HIC1: variants seen among roughly 807,000 people sequenced by gnomAD.
The protein encoded by HIC1 is hypermethylated in cancer 1 protein.
A neutral mutation model predicts 26.4 loss-of-function variants in HIC1; 9 were observed. The ratio of observed to expected loss-of-function variants is 0.34; its 90% confidence interval spans 0.21 to 0.59. HIC1 has a LOEUF of 0.59. HIC1 is among the 20% of genes least tolerant of loss of function. The pLI, the probability that HIC1 is intolerant of heterozygous loss-of-function variation, is 0.82. For missense variants in HIC1, 965 were observed against 1,075.7 expected, an observed-to-expected ratio of 0.90 and a Z score of 1.44; for synonymous variants, 631 against 523.1, an observed-to-expected ratio of 1.21 and a Z score of -2.81.
In HIC1 at chr17:2,062,402, T is replaced by C. The variant is rs560951297; in HGVS notation, c.*3567T>C. 2.6e-5 allele frequency: 4 copies of C among 152,352 alleles called. No homozygotes were observed. The East Asian group carries it at 7.7e-4, about 29-fold the overall frequency. 9.4% of individuals were successfully genotyped at this position (152,352 alleles called of 1,614,324 possible). A position where few individuals can be genotyped will look rare whatever the true frequency, so the allele number is the denominator to read the frequency against. ...CATACACTTGGACATATAACCTTTT[T>C]TTCCTACAGCATCATGATCATATTA... is the stretch of plus-strand genomic sequence containing the variant. On this transcript the variant is annotated 3_prime_UTR_variant, in exon 2 of 2. Transcript: ENST00000619757.
chr17:2,059,086 A>C lies in HIC1; in HGVS notation c.*251A>C. Reference sequence around the variant, plus strand: ...ATATTTTTGATATCAGCTTTGACCAAAGGAGACCCCAGGCCCCTCCCGCCT... The same window carrying C: ...ATATTTTTGATATCAGCTTTGACCACAGGAGACCCCAGGCCCCTCCCGCCT... On this transcript the variant is annotated 3_prime_UTR_variant, in exon 2 of 2. Coordinates refer to ENST00000619757, the MANE Select transcript of HIC1 (RefSeq NM_006497.4). 3 of 430,164 alleles carry C rather than the reference A, an allele frequency of 7.0e-6. No homozygotes were observed. The highest frequency in any genetic ancestry group is 7.9e-5 in the East Asian group (2 of 25,406). 26.6% of individuals were successfully genotyped at this position (430,164 alleles called of 1,614,324 possible). A position where few individuals can be genotyped will look rare whatever the true frequency, so the allele number is the denominator to read the frequency against.
At position 2,056,771 on chromosome 17, in the gene HIC1, G is replaced by A. The variant is rs1172580469; in HGVS notation, c.81G>A (p.Leu27=). Residue 27 remains leucine, a synonymous_variant, in exon 2 of 2, where the codon TTG becomes TTA. Coordinates refer to ENST00000619757, the MANE Select transcript of HIC1 (RefSeq NM_006497.4). ...ACAACCAGCGCACCAAGGGCTTCTTGTGCGACGTGATCATCGTGGTGCAGA... is the reference window on the plus strand; with the variant it reads ...ACAACCAGCGCACCAAGGGCTTCTTATGCGACGTGATCATCGTGGTGCAGA... The part of the protein sequence containing the change: ...QLNNQRTKGF[L]CDVIIVVQNA... The A allele has an allele frequency of 6.2e-7, 1 of 1,612,496 alleles. No individual in the cohort carries two copies. Among genetic ancestry groups the A allele is most frequent in the Admixed American group, 1.7e-5 (1 of 60,012 alleles).
rs763409414 is a variant in HIC1 at position 2,058,751 on chromosome 17, C to G, written c.2061C>G (p.Asp687Glu). Reference protein sequence around the residue: ...KFTAELGLSPDKAAEVLSQGA... With the variant: ...KFTAELGLSPEKAAEVLSQGA... ...CGGCCGAGCTGGGCCTCAGCCCCGACAAGGCGGCCGAGGTGCTGAGCCAGG... is the reference window on the plus strand; with the variant it reads ...CGGCCGAGCTGGGCCTCAGCCCCGAGAAGGCGGCCGAGGTGCTGAGCCAGG... The change falls in exon 2 of 2, where the codon GAC becomes GAG. Residue 687 changes from aspartate to glutamate, a missense_variant. Asp to Glu is a conservative substitution (Grantham distance 45, BLOSUM62 2). Transcript: ENST00000619757. The G allele has an allele frequency of 1.3e-6, 2 of 1,526,394 alleles. No individual in the cohort carries two copies. The highest frequency in any genetic ancestry group is 2.8e-5 in the African/African-American group (2 of 70,392). 94.6% of individuals were successfully genotyped at this position (1,526,394 alleles called of 1,614,324 possible). A position where few individuals can be genotyped will look rare whatever the true frequency, so the allele number is the denominator to read the frequency against.
Position 2,058,749 on chromosome 17 carries a change from G to C in HIC1, c.2059G>C (p.Asp687His). The C allele has an allele frequency of 6.5e-7, 1 of 1,527,102 alleles. No homozygotes were observed. Among genetic ancestry groups the C allele is most frequent in the East Asian group, 2.6e-5 (1 of 38,742 alleles). 94.6% of individuals were successfully genotyped at this position (1,527,102 alleles called of 1,614,324 possible). Residue 687 changes from aspartate to histidine, a missense_variant, in exon 2 of 2, where the codon GAC becomes CAC. Asp to His is a moderately conservative substitution (Grantham distance 81, BLOSUM62 -1). This residue lies in a region of HIC1 where 210 missense variants were observed against 179.2 expected (regional missense o/e 1.17). Coordinates refer to ENST00000619757, the MANE Select transcript of HIC1 (RefSeq NM_006497.4). ...KFTAELGLSP[D>H]KAAEVLSQGA... ...CACGGCCGAGCTGGGCCTCAGCCCC[G>C]ACAAGGCGGCCGAGGTGCTGAGCCA...
At position 2,057,822 on chromosome 17, in the gene HIC1, A is replaced by G; in HGVS notation, c.1132A>G (p.Lys378Glu). Reference sequence around the variant, plus strand: ...CGCGGGCGGCGACGGCGACGACTACAAGAGCAGCAGCGAGGAGACCGGTAG... The same window carrying G: ...CGCGGGCGGCGACGGCGACGACTACGAGAGCAGCAGCGAGGAGACCGGTAG... ...PGAGGDGDDY[K>E]SSSEETGSSE... The change falls in exon 2 of 2, where the codon AAG (lysine) becomes GAG (glutamate). Residue 378 changes from lysine (K) to glutamate (E), a missense_variant. Coordinates refer to ENST00000619757, the MANE Select transcript of HIC1 (RefSeq NM_006497.4). The G allele has an allele frequency of 2.5e-6, 4 of 1,570,104 alleles. No homozygotes were observed. The highest frequency in any genetic ancestry group is 3.4e-6 in the Non-Finnish European group (4 of 1,160,864).
rs976326417 is a variant in HIC1 at position 2,061,683 on chromosome 17, C to T, written c.*2848C>T. ...GACAGGAGGCAGAGGGCTGGCTGCT[C>T]TTCTCACCCTGGAGAATGTGGTCCT... On this transcript the variant is annotated 3_prime_UTR_variant, in exon 2 of 2. Coordinates refer to ENST00000619757, the MANE Select transcript of HIC1 (RefSeq NM_006497.4). 6.6e-7 allele frequency: 1 copy of T among 1,525,810 alleles called. No homozygotes were observed. The highest frequency in any genetic ancestry group is 8.8e-7 in the Non-Finnish European group (1 of 1,129,994). 94.5% of individuals were successfully genotyped at this position (1,525,810 alleles called of 1,614,324 possible).
In HIC1 at chr17:2,057,476, G is replaced by A; in HGVS notation, c.786G>A (p.Glu262=). The A allele has an allele frequency of 1.4e-5, 20 of 1,478,800 alleles. No homozygotes were observed. Among genetic ancestry groups the A allele is most frequent in the Non-Finnish European group, 1.6e-5 (18 of 1,121,620 alleles). 91.6% of individuals were successfully genotyped at this position (1,478,800 alleles called of 1,614,324 possible). The change falls in exon 2 of 2, where the codon GAG becomes GAA. Residue 262 remains glutamate (E), a synonymous_variant. Coordinates refer to ENST00000619757, the MANE Select transcript of HIC1 (RefSeq NM_006497.4). ...GCGCCGGCCCCGCCGCCTACAAGGAGCCGCCTCTCGCCCTGCCGTCGCTGC... is the reference window on the plus strand; with the variant it reads ...GCGCCGGCCCCGCCGCCTACAAGGAACCGCCTCTCGCCCTGCCGTCGCTGC... ...PPSAGPAAYK[E]PPLALPSLPP...
Position 2,061,392 on chromosome 17 carries a change from G to T in HIC1, c.*2557G>T. ...AAGAGGATGGTTTATTGTCTGGGTGGATTGGTGGCTCAGGCACGTGGGCAT... is the reference window on the plus strand; with the variant it reads ...AAGAGGATGGTTTATTGTCTGGGTGTATTGGTGGCTCAGGCACGTGGGCAT... On this transcript the variant is annotated 3_prime_UTR_variant, in exon 2 of 2. Transcript: ENST00000619757. 8.4e-7 allele frequency: 1 copy of T among 1,193,532 alleles called. No individual in the cohort carries two copies. Among genetic ancestry groups the T allele is most frequent in the Non-Finnish European group, 1.2e-6 (1 of 855,140 alleles). The allele number at this position is 1,193,532 out of a possible 1,614,324, so 73.9% of individuals were successfully genotyped here.
intron 1 of HIC1, chr17:2,056,244 C>T (rs1487953450): frequency 4.2e-6 from 6 of 1,415,284 alleles, no homozygotes; most frequent in Middle Eastern, 1.8e-4. Context: ...GCAACTTCTC[C>T]CGAGGCGGGA....
rs1597302417 is a variant in HIC1, at chr17:2,057,506, G to A, written c.816G>A (p.Pro272=). Residue 272 remains proline (P), a synonymous_variant, in exon 2 of 2, where the codon CCG becomes CCA. Coordinates refer to ENST00000619757, the MANE Select transcript of HIC1 (RefSeq NM_006497.4). The stretch of plus-strand genomic sequence containing the variant: ...CTCTCGCCCTGCCGTCGCTGCCGCC[G>A]CTGCCCTTCCAGAAGCTGGAGGAGG... The part of the protein sequence containing the change: ...EPPLALPSLP[P]LPFQKLEEAA... The A allele has an allele frequency of 2.7e-6, 4 of 1,489,434 alleles. No homozygotes were observed. The highest frequency in any genetic ancestry group is 1.8e-6 in the Non-Finnish European group (2 of 1,125,710). The allele number at this position is 1,489,434 out of a possible 1,614,324, so 92.3% of individuals were successfully genotyped here.
chr17:2,058,088 T>C lies in HIC1; in HGVS notation c.1398T>C (p.Pro466=), dbSNP rs1014336351. The change falls in exon 2 of 2, where the codon CCT becomes CCC. Residue 466 remains proline, a synonymous_variant. Transcript: ENST00000619757. Reference sequence around the variant, plus strand: ...CTGGGGCCGCCGGCCTAGGGCCCCCTTTTGGAGGCGGCGGGGACAAGGTCG... The same window carrying C: ...CTGGGGCCGCCGGCCTAGGGCCCCCCTTTGGAGGCGGCGGGGACAAGGTCG... ...VAAGAAGLGP[P]FGGGGDKVAG... is the part of the protein sequence containing the mutation. 6.9e-6 allele frequency: 11 copies of C among 1,588,952 alleles called. No homozygotes were observed. The highest frequency in any genetic ancestry group is 9.4e-6 in the Non-Finnish European group (11 of 1,170,726).
Position 2,058,850 on chromosome 17 carries a change from G to A in HIC1, c.*15G>A. ...CTCCCACCTAGAGCGCCCCTCGCCAGCCCGCTCTGTCGCTGCTGCGCGGCC... is the reference window on the plus strand; with the variant it reads ...CTCCCACCTAGAGCGCCCCTCGCCAACCCGCTCTGTCGCTGCTGCGCGGCC... On this transcript the variant is annotated 3_prime_UTR_variant, in exon 2 of 2. Transcript: ENST00000619757. 1 of 1,422,952 alleles carries A rather than the reference G, an allele frequency of 7.0e-7. No individual in the cohort carries two copies. The highest frequency in any genetic ancestry group is 2.9e-5 in the East Asian group (1 of 33,940). 88.1% of individuals were successfully genotyped at this position (1,422,952 alleles called of 1,614,324 possible). A position where few individuals can be genotyped will look rare whatever the true frequency, so the allele number is the denominator to read the frequency against.
rs975521330 is a variant in HIC1, at chr17:2,057,965, G to A, written c.1275G>A (p.Lys425=). 2 of 1,610,442 alleles carry A rather than the reference G, an allele frequency of 1.2e-6. No homozygotes were observed. The highest frequency in any genetic ancestry group is 2.2e-5 in the East Asian group (1 of 44,844). ...DNLYVCIPCG[K]GFPSSEQLNA... is the part of the protein sequence containing the mutation. ...TGTACGTGTGCATTCCGTGCGGCAA[G>A]GGCTTCCCCAGCTCTGAGCAGCTGA... Residue 425 remains lysine, a synonymous_variant, in exon 2 of 2, where the codon AAG becomes AAA. Coordinates refer to ENST00000619757, the MANE Select transcript of HIC1 (RefSeq NM_006497.4).
Position 2,061,853 on chromosome 17 carries a change from ACT to A in HIC1, c.*3023_*3024del. ...CCTTGACTCCGGCCTCCCATACAGG[ACT>A]CTCTTCTGCCTAGTTCCCAAAAGCT... On this transcript the variant is annotated 3_prime_UTR_variant, in exon 2 of 2. Transcript: ENST00000619757. 2.0e-6 allele frequency: 1 copy of A among 507,578 alleles called. No individual in the cohort carries two copies. The highest frequency in any genetic ancestry group is 2.1e-5 in the South Asian group (1 of 48,276). The allele number at this position is 507,578 out of a possible 1,614,324, so 31.4% of individuals were successfully genotyped here.
rs2067682195 is a variant in HIC1 at position 2,057,405 on chromosome 17, C to T, written c.715C>T (p.Pro239Ser). ...SPPGSAAPER[P>S]LAERELPPRP... ...GCCGGGCTCCGCGGCGCCAGAGCGG[C>T]CGCTGGCTGAGCGCGAGCTGCCCCC... Residue 239 changes from proline (P) to serine (S), a missense_variant, in exon 2 of 2, where the codon CCG becomes TCG. This residue lies in a region of HIC1 where 526 missense variants were observed against 525.0 expected (regional missense o/e 1.00). Coordinates refer to ENST00000619757, the MANE Select transcript of HIC1 (RefSeq NM_006497.4). 2 of 1,434,510 alleles carry T rather than the reference C, an allele frequency of 1.4e-6. No homozygotes were observed. The highest frequency in any genetic ancestry group is 1.5e-5 in the African/African-American group (1 of 66,680). The allele number at this position is 1,434,510 out of a possible 1,614,324, so 88.9% of individuals were successfully genotyped here. A position where few individuals can be genotyped will look rare whatever the true frequency, so the allele number is the denominator to read the frequency against.
chr17:2,060,018 T>C lies in HIC1; in HGVS notation c.*1183T>C, dbSNP rs1191813357. 1 of 152,462 alleles carries C rather than the reference T, an allele frequency of 6.6e-6. No homozygotes were observed. Among genetic ancestry groups the C allele is most frequent in the African/African-American group, 2.4e-5 (1 of 41,442 alleles). The allele number at this position is 152,462 out of a possible 1,614,324, so 9.4% of individuals were successfully genotyped here. On this transcript the variant is annotated 3_prime_UTR_variant, in exon 2 of 2. Transcript: ENST00000619757. ...CAAAGAGCCCAGTCTTCTGAGACTC[T>C]AGGGGACTCCTACCCCCAAACTACT...
In HIC1 at chr17:2,061,436, C is replaced by A; in HGVS notation, c.*2601C>A. On this transcript the variant is annotated 3_prime_UTR_variant, in exon 2 of 2. Coordinates refer to ENST00000619757, the MANE Select transcript of HIC1 (RefSeq NM_006497.4). ...TGGGCATCTTCCGTGCTACACTGGG[C>A]GCCTGGTGGCCTTTCAGGAACGGTT... 1 of 1,516,558 alleles carries A rather than the reference C, an allele frequency of 6.6e-7. No individual in the cohort carries two copies. Among genetic ancestry groups the A allele is most frequent in the East Asian group, 2.5e-5 (1 of 40,600 alleles). The allele number at this position is 1,516,558 out of a possible 1,614,324, so 93.9% of individuals were successfully genotyped here.
chr17:2,058,847 C>G lies in HIC1; in HGVS notation c.*12C>G. 1 of 1,424,776 alleles carries G rather than the reference C, an allele frequency of 7.0e-7. No individual in the cohort carries two copies. The allele number at this position is 1,424,776 out of a possible 1,614,324, so 88.3% of individuals were successfully genotyped here. On this transcript the variant is annotated 3_prime_UTR_variant, in exon 2 of 2. Transcript: ENST00000619757. ...TCTCTCCCACCTAGAGCGCCCCTCG[C>G]CAGCCCGCTCTGTCGCTGCTGCGCG...
rs1477113986 is a variant in HIC1 at position 2,058,265 on chromosome 17, C to T, written c.1575C>T (p.Phe525=). 1.2e-6 allele frequency: 2 copies of T among 1,611,100 alleles called. No individual in the cohort carries two copies. Among genetic ancestry groups the T allele is most frequent in the South Asian group, 1.1e-5 (1 of 90,944 alleles). The change falls in exon 2 of 2, where the codon TTC becomes TTT. Residue 525 remains phenylalanine (F), a synonymous_variant. Transcript: ENST00000619757. ...CATGCACCATCTGCGGGAAGAAGTT[C>T]ACGCAGCGTGGGACCATGACGCGCC... is the stretch of plus-strand genomic sequence containing the variant. The part of the protein sequence containing the change: ...PYPCTICGKK[F]TQRGTMTRHM...
Sources: allele counts gnomAD v4.1 joint callset, GRCh38; gene constraint gnomAD v4.1.1; regional missense constraint gnomAD v4.1.1; transcripts MANE v1.5; gene names NCBI Gene and HGNC (gene_info 2026-07-23, HGNC 2026-07-21).